Variants in ZNF229 observed in about 807,000 individuals in gnomAD.
The protein encoded by ZNF229 is zinc finger protein 229.
A neutral mutation model predicts 11.8 loss-of-function variants in ZNF229; 10 were observed. The observed-to-expected ratio is 0.85, with a 90% confidence interval of 0.52 to 1.44. The LOEUF (loss-of-function observed/expected upper bound fraction) is 1.44. Ranked by LOEUF, ZNF229 falls within the 40% of genes most tolerant of loss-of-function variation. The pLI is 0.00. For missense variants in ZNF229, 1,045 were observed against 1,015.1 expected, an observed-to-expected ratio of 1.03 and a Z score of -0.40; for synonymous variants, 368 against 374.8, an observed-to-expected ratio of 0.98 and a Z score of 0.21.
chr19:44,428,761 G>A lies in ZNF229; in HGVS notation c.2020C>T (p.His674Tyr), dbSNP rs894479659. Residue 674 changes from histidine (H) to tyrosine (Y), a missense_variant, in exon 6 of 6, where the codon CAT becomes TAT. Coordinates refer to ENST00000614049, the MANE Select transcript of ZNF229 (RefSeq NM_014518.4). ...TTTTTTCCCGTGTGGACTCGCTGAT[G>A]TTTGTGAAGGCTTGATGTGCACCTA... ...GFRCTSSLHKHQRVHTGKKPY... is the reference protein window; with the variant it reads ...GFRCTSSLHKYQRVHTGKKPY... The A allele has an allele frequency of 1.2e-6, 2 of 1,613,194 alleles. No homozygotes were observed. Among genetic ancestry groups the A allele is most frequent in the African/African-American group, 1.3e-5 (1 of 74,838 alleles).
At chr19:44,433,179 T>C (rs532855270) in intron 4 of ZNF229, among the ~76,000 whole-genome samples, 1 of 152,098 alleles carries the variant, frequency 6.6e-6, no homozygotes, top group Admixed American at 6.5e-5. Context: ...TCACTCAACC[T>C]CCCAAGTAGC....
At chr19:44,443,541 A>G (rs1369516709) in intron 2 of ZNF229, among the ~76,000 whole-genome samples, 3 of 152,224 alleles carry the variant, frequency 2.0e-5, no homozygotes, top group Non-Finnish European at 1.5e-5. Flanking sequence ...AATGCATAAA[A>G]TGAAATGCAA....
intron 4 of ZNF229, among the ~76,000 whole-genome samples, chr19:44,439,484 C>T (rs566044529): frequency 6.6e-6 from 1 of 152,236 alleles, no homozygotes; most frequent in Admixed American, 6.5e-5. Flanking sequence ...CACTCTGTCG[C>T]CCAGGCTGGA....
chr19:44,442,696 G>A, intron 3 of ZNF229, 75 bp from the exon 4 acceptor site: 2 of 1,603,750 alleles, frequency 1.2e-6, no homozygotes, highest in Admixed American at 1.7e-5. Flanking sequence ...TGGTAGGAAG[G>A]TGCCCAGCTT....
At position 44,435,177 on chromosome 19, in the gene ZNF229, C is replaced by T. The variant is rs564477554; in HGVS notation, c.94-2811G>A. On this transcript the variant is annotated intron_variant, in intron 4 of 5. Coordinates refer to ENST00000614049, the MANE Select transcript of ZNF229 (RefSeq NM_014518.4). ...CTAATACAGAATGCATACCATATTA[C>T]TTTTTCAAGAAATATTCAGTACCTA... is the stretch of plus-strand genomic sequence containing the variant. Among the ~76,000 whole-genome samples, 4 of 152,240 alleles carry T rather than the reference C, an allele frequency of 2.6e-5. No individual in the cohort carries two copies. The South Asian group carries it at 8.3e-4, about 32-fold the overall frequency.
Position 44,428,434 on chromosome 19 carries a change from GACA to G in ZNF229, c.2344_2346del (p.Cys782del). 4.3e-6 allele frequency: 7 copies of G among 1,614,042 alleles called. No homozygotes were observed. In the South Asian group the frequency reaches 7.7e-5, roughly 18 times the overall value. On this transcript the variant is annotated inframe_deletion, in exon 6 of 6. Coordinates refer to ENST00000614049, the MANE Select transcript of ZNF229 (RefSeq NM_014518.4). ...GTGTGGACTCTCTGATGAACATGAAGACAGGAGTTGCGGCCAAAGCCCTTCCCA... is the reference window on the plus strand; with the variant it reads ...GTGTGGACTCTCTGATGAACATGAAGGGAGTTGCGGCCAAAGCCCTTCCCA...
chr19:44,427,605 A>C lies in ZNF229; in HGVS notation c.*698T>G, dbSNP rs370649988. On this transcript the variant is annotated 3_prime_UTR_variant, in exon 6 of 6. Transcript: ENST00000614049. ...CAATGCAATGCCAATTAATAAATTT[A>C]TTTAATTAATAATTCAATGCAATGC... The C allele has an allele frequency of 3.3e-5, 5 of 152,256 alleles. No individual in the cohort carries two copies. The South Asian group carries it at 1.0e-3, about 32-fold the overall frequency. 9.4% of individuals were successfully genotyped at this position (152,256 alleles called of 1,614,324 possible).
intron 4 of ZNF229, among the ~76,000 whole-genome samples, chr19:44,440,667 A>G (rs1345963245): frequency 6.6e-6 from 1 of 152,190 alleles, no homozygotes; most frequent in Non-Finnish European, 1.5e-5. Context: ...TGAGTCCAGA[A>G]AGTGTGAATG....
At chr19:44,443,518 G>A (rs1174258394) in intron 2 of ZNF229, among the ~76,000 whole-genome samples, 2 of 152,006 alleles carry the variant, frequency 1.3e-5, no homozygotes, top group Admixed American at 6.5e-5. Flanking sequence ...TCCCTACTGA[G>A]AATAAAGTTT....
chr19:44,428,708 C>T lies in ZNF229; in HGVS notation c.2073G>A (p.Lys691=), dbSNP rs748597169. The T allele has an allele frequency of 1.2e-6, 2 of 1,613,722 alleles. No homozygotes were observed. The highest frequency in any genetic ancestry group is 1.7e-5 in the Admixed American group (1 of 59,992). The change falls in exon 6 of 6, where the codon AAG becomes AAA. Residue 691 remains lysine, a synonymous_variant. Coordinates refer to ENST00000614049, the MANE Select transcript of ZNF229 (RefSeq NM_014518.4). ...GAAGATTAGAGCCATAACTGAATCC[C>T]TTGCCACACTGATCACACGTATAGG... ...KKPYTCDQCG[K]GFSYGSNLRT...
chr19:44,444,645 A>G (rs1228964908), intron 2 of ZNF229, among the ~76,000 whole-genome samples: 1 of 152,212 alleles, frequency 6.6e-6, no homozygotes, highest in Non-Finnish European at 1.5e-5. Flanking sequence ...CAATGATGAA[A>G]ACAGACTGCT....
In ZNF229 at chr19:44,442,796, C is replaced by T; in HGVS notation, c.34+18G>A. 1 of 1,571,240 alleles carries T rather than the reference C, an allele frequency of 6.4e-7. No individual in the cohort carries two copies. The highest frequency in any genetic ancestry group is 8.8e-7 in the Non-Finnish European group (1 of 1,141,198). Reference sequence around the variant, plus strand: ...AGTTTGGATTCTCCCCCCACCCACCCCCTCTATTAGCTGTCACCTCTTTTC... The same window carrying T: ...AGTTTGGATTCTCCCCCCACCCACCTCCTCTATTAGCTGTCACCTCTTTTC... On this transcript the variant is annotated intron_variant, in intron 3 of 5. Transcript: ENST00000614049.
Position 44,428,451 on chromosome 19 carries a change from A to G in ZNF229, c.2330T>C (p.Phe777Ser), listed in dbSNP as rs1416695606. Residue 777 changes from phenylalanine (F) to serine (S), a missense_variant, in exon 6 of 6, where the codon TTT becomes TCT. Transcript: ENST00000614049. ...PYKCEECGKG[F>S]GRNSCLHVHQ... ...AACATGAAGACAGGAGTTGCGGCCA[A>G]AGCCCTTCCCACACTCCTCACATTT... The G allele has an allele frequency of 1.2e-6, 2 of 1,613,968 alleles. No individual in the cohort carries two copies. Among genetic ancestry groups the G allele is most frequent in the Non-Finnish European group, 1.7e-6 (2 of 1,180,006 alleles).
rs773316062 is a variant in ZNF229, at chr19:44,432,321, C to A, written c.139G>T (p.Glu47Ter). 4 of 1,613,776 alleles carry A rather than the reference C, an allele frequency of 2.5e-6. No homozygotes were observed. In the African/African-American group the frequency reaches 5.3e-5, roughly 22 times the overall value. ...TGGGTAGAGTCCAGCAGCTCTAGCT[C>A]CTCCTCAGTGAAGACCACAGCCACG... Reference protein sequence around the residue: ...KDVAVVFTEEELELLDSTQRQ... With the variant: ...KDVAVVFTEE Residue 47 changes from glutamate (E) to a stop codon, truncating the protein, a stop_gained, in exon 5 of 6, where the codon GAG becomes TAG. Transcript: ENST00000614049. LOFTEE classifies it high-confidence loss of function.
intron 1 of ZNF229, among the ~76,000 whole-genome samples, chr19:44,448,081 ACT>A (rs1016978996): frequency 1.6e-4 from 24 of 152,218 alleles, no homozygotes; most frequent in African/African-American, 5.3e-4. Flanking sequence ...TTCGCAGAAA[ACT>A]CTGAAATTAC....
intron 4 of ZNF229, among the ~76,000 whole-genome samples, chr19:44,437,697 GA>G (rs905092768): frequency 6.6e-6 from 1 of 152,006 alleles, no homozygotes; most frequent in African/African-American, 2.4e-5. Context: ...ACTGACAATA[GA>G]AAAGACATGA....
At chr19:44,445,303 G>A (rs536112147) in intron 2 of ZNF229, among the ~76,000 whole-genome samples, 222 of 146,230 alleles carry the variant, frequency 1.5e-3, no homozygotes, top group African/African-American at 5.5e-3. Context: ...TTCCTACACA[G>A]CAGCTGGAGT....
chr19:44,440,630 A>C (rs1971891909), intron 4 of ZNF229, among the ~76,000 whole-genome samples: 1 of 152,244 alleles, frequency 6.6e-6, no homozygotes, highest in African/African-American at 2.4e-5. Context: ...AAGACTTAAT[A>C]CAAGAAGAAA....
In ZNF229 at chr19:44,428,295, A is replaced by G. The variant is rs749909948; in HGVS notation, c.*8T>C. 1.1e-5 allele frequency: 17 copies of G among 1,596,958 alleles called. No homozygotes were observed. Among genetic ancestry groups the G allele is most frequent in the Admixed American group, 3.4e-5 (2 of 59,102 alleles). On this transcript the variant is annotated 3_prime_UTR_variant, in exon 6 of 6. Transcript: ENST00000614049. ...CTCTGAGTCCCAGATGGAATCCTCT[A>G]TGTACATCTACTTATAAGGGTTCTC...
Sources: allele counts gnomAD v4.1 joint callset (sites outside exome capture counted in the v4.1 genomes callset), GRCh38; gene constraint gnomAD v4.1.1; transcripts MANE v1.5; gene names NCBI Gene and HGNC (gene_info 2026-07-23, HGNC 2026-07-21).